Variants in PEAK1 observed in about 807,000 individuals in gnomAD.
PEAK1 encodes pseudopodium enriched atypical kinase 1, also known as inactive tyrosine-protein kinase PEAK1.
In PEAK1, 54 loss-of-function variants were observed where a neutral mutation model predicts 124.7. The observed-to-expected ratio is 0.43, with a 90% CI of 0.35 to 0.54. The LOEUF (loss-of-function observed/expected upper bound fraction) is 0.54. PEAK1 is among the 20% of genes least tolerant of loss of function. PEAK1 has a pLI of 0.01. For missense variants in PEAK1, 2,046 were observed against 2,134.5 expected, an observed-to-expected ratio of 0.96 and a Z score of 0.82; for synonymous variants, 719 against 760.0, an observed-to-expected ratio of 0.95 and a Z score of 0.89.
intron 9 of PEAK1, among the ~76,000 whole-genome samples, chr15:77,126,098 G>A (rs1026285123): frequency 7.9e-5 from 12 of 152,114 alleles, no homozygotes; most frequent in Non-Finnish European, 2.9e-5. Context: ...AAAGACATTA[G>A]GACATCATTT....
intron 1 of PEAK1, among the ~76,000 whole-genome samples, chr15:77,409,182 A>G (rs2072189919): frequency 1.3e-5 from 2 of 151,962 alleles, no homozygotes; most frequent in Admixed American, 1.3e-4. Flanking sequence ...TTTAAACAAT[A>G]AAAGTGCTCC....
intron 6 of PEAK1, among the ~76,000 whole-genome samples, chr15:77,250,412 A>C (rs1278365961): frequency 1.3e-5 from 2 of 149,478 alleles, no homozygotes; most frequent in Non-Finnish European, 3.0e-5. Flanking sequence ...ACACCCGGCT[A>C]ATTTTTGTGT....
intron 1 of PEAK1, chr15:77,419,559 G>C: frequency 1.0e-6 from 1 of 985,162 alleles, no homozygotes; most frequent in Non-Finnish European, 1.2e-6. Context: ...TGCGGGAGCG[G>C]GCTGACCGTG....
At chr15:77,315,898 AATG>A (rs1430262936) in intron 2 of PEAK1, among the ~76,000 whole-genome samples, 1 of 152,162 alleles carries the variant, frequency 6.6e-6, no homozygotes, top group Non-Finnish European at 1.5e-5. Flanking sequence ...GGAACACAAA[AATG>A]ATACAGGTAA....
chr15:77,126,475 G>A (rs899544806), intron 9 of PEAK1, among the ~76,000 whole-genome samples: 6 of 152,160 alleles, frequency 3.9e-5, no homozygotes, highest in Admixed American at 2.0e-4. Context: ...ATACCTAAGT[G>A]CAGAACCTAT....
At chr15:77,333,597 C>T (rs1329621263) in intron 2 of PEAK1, 1 of 945,104 alleles carries the variant, frequency 1.1e-6, no homozygotes. Flanking sequence ...TTATTTTAAC[C>T]ATCTGAAATC....
chr15:77,136,808 C>T lies in PEAK1; in HGVS notation c.3332-3058G>A, dbSNP rs909073652. Among the ~76,000 whole-genome samples, 4 of 152,284 alleles carry T rather than the reference C, an allele frequency of 2.6e-5. No individual in the cohort carries two copies. In the South Asian group the frequency reaches 8.3e-4, roughly 32 times the overall value. On this transcript the variant is annotated intron_variant, in intron 8 of 9. Transcript: ENST00000682557. ...AATTTGCAGAAACTTGCATAAGTAA[C>T]GAGGAGCTGAAGGTTAATCCCCAAG...
chr15:77,373,284 A>G (rs2068774436), intron 1 of PEAK1, among the ~76,000 whole-genome samples: 1 of 151,978 alleles, frequency 6.6e-6, no homozygotes, highest in Non-Finnish European at 1.5e-5. Flanking sequence ...GCAAGTTTCT[A>G]CTCATTATGG....
intron 7 of PEAK1, chr15:77,177,962 G>A (rs1246295274): frequency 6.6e-6 from 1 of 152,138 alleles, no homozygotes; most frequent in Non-Finnish European, 1.5e-5. Flanking sequence ...TTCCAGCTCT[G>A]AAAAGCACTA....
intron 5 of PEAK1, among the ~76,000 whole-genome samples, chr15:77,259,142 G>C (rs530163088): frequency 6.6e-6 from 1 of 151,982 alleles, no homozygotes; most frequent in Non-Finnish European, 1.5e-5. Flanking sequence ...ACATTATTTG[G>C]CCCTTTACAG....
At chr15:77,269,141 C>T (rs776840921) in intron 5 of PEAK1, among the ~76,000 whole-genome samples, 1 of 150,718 alleles carries the variant, frequency 6.6e-6, no homozygotes, top group East Asian at 1.9e-4. Flanking sequence ...ATATATAGAA[C>T]GATGAATAGA....
chr15:77,275,817 G>A (rs1181728659), intron 5 of PEAK1, among the ~76,000 whole-genome samples: 1 of 151,796 alleles, frequency 6.6e-6, no homozygotes, highest in Non-Finnish European at 1.5e-5. Flanking sequence ...TTTTAAGGCA[G>A]CCACCATTAA....
At chr15:77,186,297 G>A (rs527500773) in intron 6 of PEAK1, among the ~76,000 whole-genome samples, 3 of 152,266 alleles carry the variant, frequency 2.0e-5, no homozygotes, top group Non-Finnish European at 2.9e-5. Context: ...TTTTCTCTTT[G>A]TAAGTAGTAC....
chr15:77,270,341 C>T (rs1017499445), intron 5 of PEAK1, among the ~76,000 whole-genome samples: 1 of 152,104 alleles, frequency 6.6e-6, no homozygotes, highest in African/African-American at 2.4e-5. Flanking sequence ...GTCAAATTGT[C>T]CCTGTTTGCA....
intron 6 of PEAK1, among the ~76,000 whole-genome samples, chr15:77,203,512 C>T (rs140922830): frequency 5.9e-5 from 9 of 152,000 alleles, no homozygotes; most frequent in African/African-American, 9.6e-5. Flanking sequence ...CTGACATTAC[C>T]CAACTTCAAG....
intron 1 of PEAK1, among the ~76,000 whole-genome samples, chr15:77,366,819 C>T (rs1438527893): frequency 6.6e-6 from 1 of 152,210 alleles, no homozygotes; most frequent in East Asian, 1.9e-4. Context: ...GCCTCAGCCT[C>T]CCAAAGTGCT....
intron 5 of PEAK1, 112 bp downstream of exon 5, chr15:77,283,771 G>T: frequency 6.0e-6 from 2 of 330,824 alleles, no homozygotes; most frequent in Non-Finnish European, 8.6e-6. Flanking sequence ...TAACGTATGT[G>T]GTTGATAAAC....
intron 5 of PEAK1, among the ~76,000 whole-genome samples, chr15:77,264,592 A>G (rs1356601155): frequency 2.0e-5 from 3 of 152,204 alleles, no homozygotes; most frequent in Non-Finnish European, 2.9e-5. Flanking sequence ...CCACTGCTCA[A>G]TGAAATAAAA....
intron 6 of PEAK1, among the ~76,000 whole-genome samples, chr15:77,206,096 G>A (rs1160434236): frequency 9.5e-6 from 1 of 104,802 alleles, no homozygotes. Flanking sequence ...TTGTTCTTGC[G>A]ATAGTTTACT....
Sources: allele counts gnomAD v4.1 joint callset (sites outside exome capture counted in the v4.1 genomes callset), GRCh38; gene constraint gnomAD v4.1.1; transcripts MANE v1.5; gene names NCBI Gene and HGNC (gene_info 2026-07-23, HGNC 2026-07-21).